The following HEMK2 variants were observed in gnomAD, a reference collection of about 807,000 sequenced individuals.
HEMK2 encodes the protein HemK methyltransferase 2, ETF1 glutamine and histone H4 lysine, also known as methyltransferase HEMK2.
the HEMK2 span, among the ~76,000 whole-genome samples, chr21:28,753,511 A>C: frequency 6.6e-6 from 1 of 152,244 alleles, no homozygotes; most frequent in African/African-American, 2.4e-5. Flanking sequence ...CAGGGTCATT[A>C]TGGGAGCAGA....
chr21:28,711,468 G>A, the HEMK2 span, among the ~76,000 whole-genome samples: 1 of 152,132 alleles, frequency 6.6e-6, no homozygotes, highest in Non-Finnish European at 1.5e-5. Context: ...TGATGTGAGA[G>A]GATGTCTTTT....
At chr21:28,619,926 A>G in the HEMK2 span, among the ~76,000 whole-genome samples, 2 of 152,206 alleles carry the variant, frequency 1.3e-5, no homozygotes, top group African/African-American at 4.8e-5. Context: ...CTCTAATGCC[A>G]GGAGATTTTG....
the HEMK2 span, among the ~76,000 whole-genome samples, chr21:28,589,081 A>C: frequency 6.6e-6 from 1 of 152,134 alleles, no homozygotes; most frequent in Non-Finnish European, 1.5e-5. Flanking sequence ...CATACTATAT[A>C]ATTTCATTTA....
the HEMK2 span, among the ~76,000 whole-genome samples, chr21:28,659,223 A>G: frequency 6.6e-6 from 1 of 152,112 alleles, no homozygotes; most frequent in Non-Finnish European, 1.5e-5. Context: ...CAATAAAGAA[A>G]TTTGGAAAAT....
At chr21:28,841,714 G>A in the HEMK2 span, among the ~76,000 whole-genome samples, 5 of 151,488 alleles carry the variant, frequency 3.3e-5, no homozygotes, top group Non-Finnish European at 7.4e-5. Flanking sequence ...ATATGGTGCA[G>A]TGTATACTGC....
At chr21:28,603,708 G>A in the HEMK2 span, among the ~76,000 whole-genome samples, 4 of 151,996 alleles carry the variant, frequency 2.6e-5, no homozygotes, top group Non-Finnish European at 5.9e-5. Flanking sequence ...TTCTTTTCCT[G>A]GGTTGTTTTC....
chr21:28,839,084 T>G, the HEMK2 span, among the ~76,000 whole-genome samples: 1 of 146,036 alleles, frequency 6.8e-6, no homozygotes, highest in Non-Finnish European at 1.5e-5. Flanking sequence ...AGTCAATAAA[T>G]GTGATACAAC....
the HEMK2 span, among the ~76,000 whole-genome samples, chr21:28,755,143 A>G: frequency 6.6e-6 from 1 of 152,182 alleles, no homozygotes; most frequent in African/African-American, 2.4e-5. Flanking sequence ...AGAGGTCTTC[A>G]TCATCACCAG....
At chr21:28,791,259 G>A in the HEMK2 span, among the ~76,000 whole-genome samples, 1 of 152,140 alleles carries the variant, frequency 6.6e-6, no homozygotes, top group Admixed American at 6.6e-5. Flanking sequence ...GATCAAGGTT[G>A]AGAATAACAG....
At chr21:28,646,981 G>T in the HEMK2 span, among the ~76,000 whole-genome samples, 1 of 152,144 alleles carries the variant, frequency 6.6e-6, no homozygotes, top group Non-Finnish European at 1.5e-5. Flanking sequence ...TCTTAATAAG[G>T]GGTGTGGTAA....
At chr21:28,710,801 T>A in the HEMK2 span, among the ~76,000 whole-genome samples, 1 of 152,220 alleles carries the variant, frequency 6.6e-6, no homozygotes. Flanking sequence ...ATGTATAGTA[T>A]TTTTGCTATT....
At chr21:28,610,801 GA>G in the HEMK2 span, among the ~76,000 whole-genome samples, 1 of 152,168 alleles carries the variant, frequency 6.6e-6, no homozygotes, top group Non-Finnish European at 1.5e-5. Flanking sequence ...AAAAGACAAA[GA>G]GAGACATTAC....
the HEMK2 span, among the ~76,000 whole-genome samples, chr21:28,802,596 T>G: frequency 2.6e-5 from 4 of 152,134 alleles, no homozygotes; most frequent in Admixed American, 2.6e-4. Flanking sequence ...CTGGGCATAG[T>G]GGCATGAGCC....
At chr21:28,700,111 G>C in the HEMK2 span, among the ~76,000 whole-genome samples, 2 of 152,096 alleles carry the variant, frequency 1.3e-5, no homozygotes, top group Non-Finnish European at 2.9e-5. Context: ...GCATCCCCAG[G>C]GTGTCCCCAT....
the HEMK2 span, among the ~76,000 whole-genome samples, chr21:28,820,457 A>C: frequency 6.6e-6 from 1 of 152,188 alleles, no homozygotes; most frequent in South Asian, 2.1e-4. Context: ...CAAAACCTTG[A>C]CTGCTCTGTG....
At chr21:28,812,201 T>C in the HEMK2 span, among the ~76,000 whole-genome samples, 1 of 152,234 alleles carries the variant, frequency 6.6e-6, no homozygotes, top group Non-Finnish European at 1.5e-5. Context: ...AATGATAGTA[T>C]AATGGCATTC....
At chr21:28,629,967 A>G in the HEMK2 span, among the ~76,000 whole-genome samples, 1 of 152,098 alleles carries the variant, frequency 6.6e-6, no homozygotes, top group Non-Finnish European at 1.5e-5. Flanking sequence ...AACTTTCAAA[A>G]AGATTTTATT....
the HEMK2 span, among the ~76,000 whole-genome samples, chr21:28,740,660 A>G: frequency 6.6e-6 from 1 of 152,238 alleles, no homozygotes; most frequent in Admixed American, 6.5e-5. Flanking sequence ...AAAAACTATC[A>G]AAAGCAACCT....
At chr21:28,783,150 T>G in the HEMK2 span, among the ~76,000 whole-genome samples, 1 of 152,196 alleles carries the variant, frequency 6.6e-6, no homozygotes, top group Non-Finnish European at 1.5e-5. Context: ...AACACAAAAT[T>G]TATTTGTTTC....
Sources: allele counts gnomAD v4.1 joint callset (sites outside exome capture counted in the v4.1 genomes callset), GRCh38; gene constraint gnomAD v4.1.1; transcripts MANE v1.5; gene names NCBI Gene and HGNC (gene_info 2026-07-23, HGNC 2026-07-21).